Variants in GABRG3 observed in about 807,000 individuals in gnomAD.
GABRG3 encodes gamma-aminobutyric acid receptor subunit gamma-3.
Under a neutral mutation model 48.8 loss-of-function variants are expected in GABRG3, and 25 were observed. That is an observed-to-expected ratio of 0.51 (90% CI 0.37 to 0.72). GABRG3 has a LOEUF of 0.72. Ranked by LOEUF, GABRG3 falls within the 30% of genes least tolerant of loss-of-function variation. The probability of loss-of-function intolerance (pLI) is 0.00; values close to 1 mark genes in which losing one functional copy is unlikely to be tolerated. For synonymous variants in GABRG3, 227 were observed against 217.6 expected, an observed-to-expected ratio of 1.04 and a Z score of -0.38; for missense variants, 394 against 577.9, an observed-to-expected ratio of 0.68 and a Z score of 3.26.
intron 3 of GABRG3, among the ~76,000 whole-genome samples, chr15:27,315,417 C>T (rs1893179310): frequency 6.6e-6 from 1 of 152,192 alleles, no homozygotes; most frequent in Non-Finnish European, 1.5e-5. Flanking sequence ...CTGGAAGACT[C>T]ATTGCAGTTT....
At chr15:27,076,004 C>T (rs1463243064) in intron 3 of GABRG3, among the ~76,000 whole-genome samples, 6 of 152,148 alleles carry the variant, frequency 3.9e-5, no homozygotes, top group East Asian at 1.9e-4. Context: ...TCTGTGTCCC[C>T]GCGCTGAGGG....
intron 3 of GABRG3, among the ~76,000 whole-genome samples, chr15:27,189,799 G>A (rs1447096666): frequency 6.6e-6 from 1 of 152,140 alleles, no homozygotes; most frequent in Non-Finnish European, 1.5e-5. Context: ...TCCCTGTCTT[G>A]TGCCAGTTTT....
At chr15:27,149,508 G>A (rs1898271436) in intron 3 of GABRG3, among the ~76,000 whole-genome samples, 1 of 152,074 alleles carries the variant, frequency 6.6e-6, no homozygotes, top group South Asian at 2.1e-4. Flanking sequence ...TATGGAAATT[G>A]CAAGCAATCC....
chr15:26,996,127 C>T lies in GABRG3; in HGVS notation c.202+18977C>T, dbSNP rs148711174. ...ATATATGTACTTTTTTATGCAATTG[C>T]CTTTTAAGTTAGTTGAGAAGATTTA... On this transcript the variant is annotated intron_variant, in intron 2 of 9. Coordinates refer to ENST00000615808, the MANE Select transcript of GABRG3 (RefSeq NM_033223.5). Among the ~76,000 whole-genome samples the T allele has an allele frequency of 4.5e-4, 68 of 151,968 alleles. 1 individual carries two copies. The highest frequency in any genetic ancestry group is 1.5e-4 in the Non-Finnish European group (10 of 67,938).
chr15:27,209,295 A>G (rs1888988841), intron 3 of GABRG3, among the ~76,000 whole-genome samples: 1 of 152,186 alleles, frequency 6.6e-6, no homozygotes, highest in South Asian at 2.1e-4. Flanking sequence ...TTTCTGGGCA[A>G]TGGGAAGCAG....
At chr15:26,991,312 TG>T (rs1895243729) in intron 2 of GABRG3, among the ~76,000 whole-genome samples, 1 of 152,172 alleles carries the variant, frequency 6.6e-6, no homozygotes, top group African/African-American at 2.4e-5. Flanking sequence ...ATGCTGTTTT[TG>T]TTACTATAGC....
At position 27,319,122 on chromosome 15, in the gene GABRG3, G is replaced by C. The variant is rs149342403; in HGVS notation, c.271-7687G>C. On this transcript the variant is annotated intron_variant, in intron 3 of 9. Transcript: ENST00000615808. The surrounding 1 kb of genome is among the most constrained non-coding windows in gnomAD (Gnocchi z 4.4). ...GGATGTGTTAATTAGCTTGATTGTG[G>C]TAACGATTTCACAATGTACACGTAT... 3.5e-3 allele frequency among the ~76,000 whole-genome samples: 526 copies of C among 152,266 alleles called. 1 individual carries two copies. The highest frequency in any genetic ancestry group is 0.012 in the African/African-American group (500 of 41,516).
chr15:27,179,227 A>G lies in GABRG3; in HGVS notation c.271-147582A>G, dbSNP rs112817748. ...GAAATATTGCTTACTCCTATCATCA[A>G]TGCATTGCCGTGATTTGCCATTTCA... On this transcript the variant is annotated intron_variant, in intron 3 of 9. Transcript: ENST00000615808. The surrounding 1 kb of genome is among the most constrained non-coding windows in gnomAD (Gnocchi z 4.0). 7.4e-4 allele frequency among the ~76,000 whole-genome samples: 112 copies of G among 152,306 alleles called. 2 individuals carry two copies. Among genetic ancestry groups the G allele is most frequent in the African/African-American group, 2.5e-3 (104 of 41,572 alleles).
At chr15:26,990,752 G>A (rs1024634601) in intron 2 of GABRG3, among the ~76,000 whole-genome samples, 2 of 149,882 alleles carry the variant, frequency 1.3e-5, no homozygotes, top group South Asian at 4.2e-4. Flanking sequence ...TGTAGTACTT[G>A]TAGTAGTTCC....
At chr15:27,489,522 A>C (rs1890298253) in intron 6 of GABRG3, among the ~76,000 whole-genome samples, 1 of 152,142 alleles carries the variant, frequency 6.6e-6, no homozygotes, top group South Asian at 2.1e-4. Flanking sequence ...ATTTCTCCAC[A>C]TCCTCTCCAG....
At chr15:27,182,329 G>A (rs565873910) in intron 3 of GABRG3, among the ~76,000 whole-genome samples, 1 of 152,074 alleles carries the variant, frequency 6.6e-6, no homozygotes, top group South Asian at 2.1e-4. Context: ...GAATGTGTAC[G>A]GTATTTATTC....
intron 2 of GABRG3, among the ~76,000 whole-genome samples, chr15:27,010,198 G>A (rs996468979): frequency 2.0e-5 from 3 of 152,174 alleles, no homozygotes; most frequent in Admixed American, 2.0e-4. Flanking sequence ...TAGGTTGATA[G>A]CTTGGGATCT....
intron 3 of GABRG3, among the ~76,000 whole-genome samples, chr15:27,204,766 G>C (rs967893929): frequency 5.9e-5 from 9 of 151,900 alleles, no homozygotes; most frequent in African/African-American, 2.2e-4. Flanking sequence ...TCCTTGTCTA[G>C]CTGTATTTCT....
At chr15:27,298,718 G>A (rs981870744) in intron 3 of GABRG3, among the ~76,000 whole-genome samples, 2 of 151,176 alleles carry the variant, frequency 1.3e-5, no homozygotes, top group Non-Finnish European at 2.9e-5. Flanking sequence ...TTAAGTTCTG[G>A]GGTACATCTG....
intron 3 of GABRG3, among the ~76,000 whole-genome samples, chr15:27,303,581 A>G (rs1892286771): frequency 6.6e-6 from 1 of 151,886 alleles, no homozygotes; most frequent in African/African-American, 2.4e-5. Flanking sequence ...AACCTTTTCT[A>G]GAAAATGGAA....
At chr15:27,399,407 G>C (rs1158742432) in intron 5 of GABRG3, among the ~76,000 whole-genome samples, 1 of 152,082 alleles carries the variant, frequency 6.6e-6, no homozygotes, top group Non-Finnish European at 1.5e-5. Flanking sequence ...GCATAATAAC[G>C]GCCTCCAGTC....
At chr15:27,139,043 A>G (rs1435170568) in intron 3 of GABRG3, among the ~76,000 whole-genome samples, 1 of 152,062 alleles carries the variant, frequency 6.6e-6, no homozygotes, top group Non-Finnish European at 1.5e-5. Flanking sequence ...AGACAGACAG[A>G]GAGGTATATG....
At chr15:27,393,094 C>T (rs143998723) in intron 5 of GABRG3, among the ~76,000 whole-genome samples, 1 of 152,050 alleles carries the variant, frequency 6.6e-6, no homozygotes, top group Non-Finnish European at 1.5e-5. Context: ...GCCTGTAATC[C>T]GAGCACTTTG....
chr15:27,028,016 G>A (rs1428342249), intron 3 of GABRG3, among the ~76,000 whole-genome samples: 1 of 152,214 alleles, frequency 6.6e-6, no homozygotes, highest in African/African-American at 2.4e-5. Context: ...ATTTCAGGAA[G>A]TCAATTGCAT....
Sources: gnomAD v4.1 joint callset for allele counts (sites outside exome capture counted in the v4.1 genomes callset) on GRCh38, gnomAD v4.1.1 for gene constraint, Gnocchi (gnomAD v3.1) non-coding constraint, MANE v1.5 for transcripts, NCBI Gene and HGNC (gene_info 2026-07-23, HGNC 2026-07-21) for gene names.